The following KL variants were observed in gnomAD, a reference collection of about 807,000 sequenced individuals.
The protein encoded by KL is klotho, also known as alpha-klotho.
KL carries 62 observed loss-of-function variants against 84.2 expected under a neutral mutation model. The ratio of observed to expected loss-of-function variants is 0.74; its 90% CI spans 0.60 to 0.91. The LOEUF is 0.91. Among genes scored for constraint, KL ranks in the 40% least tolerant of loss-of-function variants. The pLI is 0.00. For synonymous variants in KL, 528 were observed against 528.0 expected, an observed-to-expected ratio of 1.00 and a Z score of 0.00; for missense variants, 1,261 against 1,305.7, an observed-to-expected ratio of 0.97 and a Z score of 0.53.
At chr13:33,036,302 CT>C (rs1268251490) in intron 1 of KL, among the ~76,000 whole-genome samples, 1 of 151,888 alleles carries the variant, frequency 6.6e-6, no homozygotes, top group Non-Finnish European at 1.5e-5. Context: ...GTAACCATTA[CT>C]GTCAAGGTGG....
chr13:33,024,619 G>C (rs1486988354), intron 1 of KL, among the ~76,000 whole-genome samples: 1 of 152,216 alleles, frequency 6.6e-6, no homozygotes, highest in African/African-American at 2.4e-5. Context: ...GGAGGATGGG[G>C]GCATGGGAGG....
rs1172723835 is a variant in KL, at chr13:33,063,013, T to A, written c.2702-836T>A. ...ACAGAAAATGGTGGTGTTAGCATGA[T>A]CTGAGGGCAGAGTTTTGGGCCCTCT... is the stretch of plus-strand genomic sequence containing the variant. On this transcript the variant is annotated intron_variant, in intron 4 of 4. Transcript: ENST00000380099. 2.0e-5 allele frequency among the ~76,000 whole-genome samples: 3 copies of A among 151,972 alleles called. No homozygotes were observed. The East Asian group carries it at 5.8e-4, about 30-fold the overall frequency.
At chr13:33,039,501 C>G (rs988642226) in intron 1 of KL, among the ~76,000 whole-genome samples, 1 of 152,008 alleles carries the variant, frequency 6.6e-6, no homozygotes, top group Non-Finnish European at 1.5e-5. Context: ...TATGAAGAAG[C>G]ATGTTATTTA....
At chr13:33,046,172 A>G (rs1871522355) in intron 1 of KL, among the ~76,000 whole-genome samples, 1 of 152,206 alleles carries the variant, frequency 6.6e-6, no homozygotes, top group South Asian at 2.1e-4. Flanking sequence ...GCTAAGTTAG[A>G]AAGTGTTCTT....
At chr13:33,042,706 G>A (rs567850715) in intron 1 of KL, among the ~76,000 whole-genome samples, 2 of 152,120 alleles carry the variant, frequency 1.3e-5, no homozygotes, top group East Asian at 3.9e-4. Flanking sequence ...TTGTGATGGG[G>A]TTTCGCTCTT....
intron 1 of KL, among the ~76,000 whole-genome samples, chr13:33,051,753 C>G (rs895675913): frequency 6.6e-6 from 1 of 152,120 alleles, no homozygotes; most frequent in African/African-American, 2.4e-5. Context: ...TTAATGCATT[C>G]TTTGTTTGCT....
chr13:33,034,458 T>G (rs904990644), intron 1 of KL, among the ~76,000 whole-genome samples: 1 of 152,126 alleles, frequency 6.6e-6, no homozygotes, highest in African/African-American at 2.4e-5. Context: ...CAAACGGATT[T>G]TGTTCTGTAG....
intron 1 of KL, among the ~76,000 whole-genome samples, chr13:33,018,594 C>T (rs747297396): frequency 2.0e-5 from 3 of 152,158 alleles, no homozygotes; most frequent in South Asian, 2.1e-4. Flanking sequence ...TGTTTTAGAG[C>T]GGTGATTCTT....
intron 1 of KL, among the ~76,000 whole-genome samples, chr13:33,044,172 TC>T (rs1871438425): frequency 6.6e-6 from 1 of 152,228 alleles, no homozygotes; most frequent in Non-Finnish European, 1.5e-5. Context: ...TCTGTTCTGC[TC>T]CTTTGATGTA....
chr13:33,035,631 C>T (rs966892636), intron 1 of KL, among the ~76,000 whole-genome samples: 16 of 152,098 alleles, frequency 1.1e-4, no homozygotes, highest in African/African-American at 3.4e-4. Flanking sequence ...TACCTGTTCC[C>T]TCATGGTTCT....
intron 1 of KL, among the ~76,000 whole-genome samples, chr13:33,039,239 T>C (rs1048488080): frequency 1.3e-5 from 2 of 152,244 alleles, no homozygotes; most frequent in African/African-American, 4.8e-5. Context: ...CATTTGTTGC[T>C]AATAATTTAT....
chr13:33,031,448 A>T (rs1034903491), intron 1 of KL, among the ~76,000 whole-genome samples: 4 of 152,170 alleles, frequency 2.6e-5, no homozygotes, highest in Non-Finnish European at 5.9e-5. Context: ...AAAAAATCAC[A>T]TATAGAATAT....
At chr13:33,034,012 C>A (rs1871072505) in intron 1 of KL, among the ~76,000 whole-genome samples, 1 of 152,016 alleles carries the variant, frequency 6.6e-6, no homozygotes, top group South Asian at 2.1e-4. Context: ...CTTATGAAAT[C>A]CCCAGACAGA....
At chr13:33,051,251 A>G (rs1043283217) in intron 1 of KL, among the ~76,000 whole-genome samples, 1 of 152,176 alleles carries the variant, frequency 6.6e-6, no homozygotes, top group Non-Finnish European at 1.5e-5. Context: ...AGAGTGACGA[A>G]GGCCAGGTGC....
chr13:33,016,604 G>T lies in KL; in HGVS notation c.164G>T (p.Gly55Val). Residue 55 changes from glycine (G) to valine (V), a missense_variant, in exon 1 of 5, where the codon GGC (glycine) becomes GTC (valine). Gly to Val is a moderately radical substitution (Grantham distance 109). Transcript: ENST00000380099. ...CGGCCTCCTGCCCCCGAGGCCGCGG[G>T]CCTCTTCCAGGGCACCTTCCCCGAC... is the stretch of plus-strand genomic sequence containing the variant. ...FSRPPAPEAA[G>V]LFQGTFPDGF... The T allele has an allele frequency of 6.6e-7, 1 of 1,519,880 alleles. No individual in the cohort carries two copies. Among genetic ancestry groups the T allele is most frequent in the Non-Finnish European group, 8.8e-7 (1 of 1,132,998 alleles). The allele number at this position is 1,519,880 out of a possible 1,614,324, so 94.1% of individuals were successfully genotyped here.
At chr13:33,063,622 C>T (rs1872293173) in intron 4 of KL, among the ~76,000 whole-genome samples, 1 of 151,368 alleles carries the variant, frequency 6.6e-6, no homozygotes, top group African/African-American at 2.4e-5. Context: ...AAAAAAAATA[C>T]AAAAATTTGC....
At position 33,017,160 on chromosome 13, in the gene KL, C is replaced by CT. The variant is rs2138184030; in HGVS notation, c.721dup (p.Tyr241LeufsTer94). 1 of 1,601,356 alleles carries CT rather than the reference C, an allele frequency of 6.2e-7. No individual in the cohort carries two copies. Among genetic ancestry groups the CT allele is most frequent in the Non-Finnish European group, 8.5e-7 (1 of 1,179,770 alleles). On this transcript the variant is annotated frameshift_variant, in exon 1 of 5. Transcript: ENST00000380099. LOFTEE classifies it high-confidence loss of function. ...AGTACTGGATCACCATCGACAACCC[C>CT]TACGTGGTGGCCTGGCACGGCTACG... is the stretch of plus-strand genomic sequence containing the variant.
At chr13:33,034,179 T>C (rs1048424091) in intron 1 of KL, among the ~76,000 whole-genome samples, 1 of 152,204 alleles carries the variant, frequency 6.6e-6, no homozygotes, top group African/African-American at 2.4e-5. Context: ...TTGGAGATTA[T>C]TTATGATCAC....
intron 3 of KL, among the ~76,000 whole-genome samples, chr13:33,059,728 C>T (rs185807660): frequency 1.7e-3 from 259 of 152,274 alleles, no homozygotes; most frequent in African/African-American, 5.7e-3. Flanking sequence ...GCCTTGGCCC[C>T]GCAAAGTGCC....
Sources: allele counts gnomAD v4.1 joint callset (sites outside exome capture counted in the v4.1 genomes callset), GRCh38; gene constraint gnomAD v4.1.1; transcripts MANE v1.5; gene names NCBI Gene and HGNC (gene_info 2026-07-23, HGNC 2026-07-21).